Variants in ZNF33A observed in about 807,000 individuals in gnomAD.
ZNF33A encodes the protein zinc finger protein 33A, also known as brain my041 protein.
In ZNF33A, 9 loss-of-function variants were observed where a neutral mutation model predicts 15.9. That is an observed-to-expected ratio of 0.57 (90% confidence interval 0.34 to 0.99). The LOEUF (loss-of-function observed/expected upper bound fraction) is 0.99, where lower values mean the gene tolerates loss of function less well. Among genes scored for constraint, ZNF33A ranks in the 50% least tolerant of loss-of-function variants. The probability of loss-of-function intolerance (pLI) is 0.02; values close to 1 mark genes in which losing one functional copy is unlikely to be tolerated. For synonymous variants in ZNF33A, 294 were observed against 324.2 expected (o/e 0.91, Z 1.00); for missense variants, 843 against 941.6 (o/e 0.90, Z 1.37).
At chr10:38,028,231 G>A (rs2065062457) in intron 4 of ZNF33A, among the ~76,000 whole-genome samples, 2 of 152,120 alleles carry the variant, frequency 1.3e-5, no homozygotes, top group South Asian at 4.1e-4. Context: ...TTGTGTCACT[G>A]CACTCCAGCC....
intron 4 of ZNF33A, among the ~76,000 whole-genome samples, chr10:38,049,600 A>C (rs1590675620): frequency 6.6e-6 from 1 of 152,182 alleles, no homozygotes; most frequent in Non-Finnish European, 1.5e-5. Flanking sequence ...ATTTATGTAT[A>C]TGTATATATC....
At chr10:38,041,585 G>T (rs1205352876) in intron 4 of ZNF33A, among the ~76,000 whole-genome samples, 1 of 151,922 alleles carries the variant, frequency 6.6e-6, no homozygotes, top group Non-Finnish European at 1.5e-5. Flanking sequence ...TATGCAGGCT[G>T]AGCATCCCAA....
chr10:38,036,708 C>G (rs1218497434), intron 4 of ZNF33A, among the ~76,000 whole-genome samples: 4 of 152,154 alleles, frequency 2.6e-5, no homozygotes, highest in Non-Finnish European at 4.4e-5. Context: ...TCTCTTCACT[C>G]TTACTCAACA....
At position 38,054,607 on chromosome 10, in the gene ZNF33A, C is replaced by G. The variant is rs776027290; in HGVS notation, c.483C>G (p.Asn161Lys). The part of the protein sequence containing the change: ...TVSELVISKI[N>K]YLGKKSDEFN... ...CAGAATTGGTTATCAGTAAGATAAACTATTTAGGAAAAAAGTCTGATGAAT... is the reference window on the plus strand; with the variant it reads ...CAGAATTGGTTATCAGTAAGATAAAGTATTTAGGAAAAAAGTCTGATGAAT... The change falls in exon 5 of 5, where the codon AAC becomes AAG. Residue 161 changes from asparagine to lysine, a missense_variant. Transcript: ENST00000432900. 6.2e-6 allele frequency: 10 copies of G among 1,611,750 alleles called. No homozygotes were observed. The Admixed American group carries it at 1.0e-4, about 16-fold the overall frequency.
chr10:38,051,937 C>T (rs1368404625), intron 4 of ZNF33A, among the ~76,000 whole-genome samples: 1 of 152,036 alleles, frequency 6.6e-6, no homozygotes, highest in African/African-American at 2.4e-5. Flanking sequence ...GCATCCATTT[C>T]TGATTAAAAC....
intron 4 of ZNF33A, among the ~76,000 whole-genome samples, chr10:38,031,047 A>G (rs899991129): frequency 2.6e-5 from 4 of 152,186 alleles, no homozygotes; most frequent in African/African-American, 7.2e-5. Context: ...TGTATCACCA[A>G]TGTTGTGATT....
intron 4 of ZNF33A, among the ~76,000 whole-genome samples, chr10:38,040,109 C>CT (rs377239321): frequency 0.01 from 1,518 of 148,302 alleles, 17 homozygotes; most frequent in African/African-American, 0.035. Context: ...GCTTCTTTAA[C>CT]TTTTTTTTTT....
At position 38,054,768 on chromosome 10, in the gene ZNF33A, T is replaced by C. The variant is rs767488084; in HGVS notation, c.644T>C (p.Leu215Ser). ...TTGCAGCATGAGAAGATTCAAACTT[T>C]AGAGCACAATTTTGAATACAGTATA... is the stretch of plus-strand genomic sequence containing the variant. ...ETLQHEKIQT[L>S]EHNFEYSICQ... Residue 215 changes from leucine (L) to serine (S), a missense_variant, in exon 5 of 5, where the codon TTA (leucine) becomes TCA (serine). By Grantham distance (145) the Leu-to-Ser change is moderately radical. Transcript: ENST00000432900. 13 of 1,613,638 alleles carry C rather than the reference T, an allele frequency of 8.1e-6. No individual in the cohort carries two copies. The East Asian group carries it at 2.5e-4, about 30-fold the overall frequency.
chr10:38,053,290 C>T (rs1290403156), intron 4 of ZNF33A, among the ~76,000 whole-genome samples: 1 of 152,096 alleles, frequency 6.6e-6, no homozygotes, highest in African/African-American at 2.4e-5. Flanking sequence ...AGGTCTCACT[C>T]CTTGGCTTGC....
intron 4 of ZNF33A, among the ~76,000 whole-genome samples, chr10:38,021,956 A>C (rs1386626068): frequency 6.6e-6 from 1 of 152,218 alleles, no homozygotes; most frequent in Non-Finnish European, 1.5e-5. Context: ...AAATGAGACC[A>C]TACCGTATCA....
chr10:38,059,140 G>C lies in ZNF33A; in HGVS notation c.*2580G>C, dbSNP rs2066602733. ...GATCATATCAATAGGTACAGAAAAA[G>C]CATTTGACAAAATCCAATATCCATT... On this transcript the variant is annotated 3_prime_UTR_variant, in exon 5 of 5. Transcript: ENST00000432900. The C allele has an allele frequency of 6.6e-6, 1 of 152,134 alleles. No individual in the cohort carries two copies. Among genetic ancestry groups the C allele is most frequent in the South Asian group, 2.1e-4 (1 of 4,830 alleles). The allele number at this position is 152,134 out of a possible 1,614,324, so 9.4% of individuals were successfully genotyped here. A position where few individuals can be genotyped will look rare whatever the true frequency, so the allele number is the denominator to read the frequency against.
At chr10:38,010,581 G>C (rs1184941418), upstream of ZNF33A, 2 of 916,854 alleles carry the variant, frequency 2.2e-6, no homozygotes, top group Non-Finnish European at 3.6e-6. Flanking sequence ...TGCTCGCCCG[G>C]CCTCACGGGA....
At chr10:38,014,936 C>G (rs774940872) in intron 2 of ZNF33A, among the ~76,000 whole-genome samples, 3 of 151,268 alleles carry the variant, frequency 2.0e-5, no homozygotes, top group Non-Finnish European at 4.4e-5. Flanking sequence ...TGCAGTGGTA[C>G]GATCTCAGCT....
chr10:38,033,029 T>C (rs2065281546), intron 4 of ZNF33A, among the ~76,000 whole-genome samples: 1 of 152,228 alleles, frequency 6.6e-6, no homozygotes, highest in Admixed American at 6.5e-5. Flanking sequence ...ATTATAGGCG[T>C]GAGGCACTGC....
chr10:38,063,427 A>C (rs913012983), downstream of ZNF33A, among the ~76,000 whole-genome samples: 1 of 152,226 alleles, frequency 6.6e-6, no homozygotes, highest in Non-Finnish European at 1.5e-5. Context: ...AATTATTTAT[A>C]ACAAAATGGG....
chr10:38,061,045 CTG>C (rs2066649018), downstream of ZNF33A, among the ~76,000 whole-genome samples: 1 of 152,164 alleles, frequency 6.6e-6, no homozygotes. Context: ...CAGTGACGAA[CTG>C]ATCAGCATTT....
intron 4 of ZNF33A, among the ~76,000 whole-genome samples, chr10:38,042,273 C>T (rs1159870388): frequency 6.6e-6 from 1 of 151,888 alleles, no homozygotes; most frequent in Non-Finnish European, 1.5e-5. Flanking sequence ...TAACCTCCTG[C>T]CTCCTGGGTT....
Position 38,054,490 on chromosome 10 carries a change from A to G in ZNF33A, c.366A>G (p.Ile122Met), listed in dbSNP as rs377182413. ...TGACTAAGGAACAAGGTGATGTAAT[A>G]GGAATACCATTTAATGTGGATGTAA... ...EMLTKEQGDV[I>M]GIPFNVDVSS... The change falls in exon 5 of 5, where the codon ATA becomes ATG. Residue 122 changes from isoleucine (I) to methionine (M), a missense_variant. Ile to Met is a conservative substitution (Grantham distance 10). Coordinates refer to ENST00000432900, the MANE Select transcript of ZNF33A (RefSeq NM_006954.2). 3 of 1,612,850 alleles carry G rather than the reference A, an allele frequency of 1.9e-6. No homozygotes were observed. Among genetic ancestry groups the G allele is most frequent in the Middle Eastern group, 1.7e-4 (1 of 6,046 alleles).
chr10:38,010,606 G>A (rs533318989), upstream of ZNF33A: 12 of 1,141,584 alleles, frequency 1.1e-5, no homozygotes, highest in South Asian at 1.5e-4. Flanking sequence ...TAGTTTCCAG[G>A]TAGGGCGCCA....
Sources: allele counts gnomAD v4.1 joint callset (sites outside exome capture counted in the v4.1 genomes callset), GRCh38; gene constraint gnomAD v4.1.1; transcripts MANE v1.5; gene names NCBI Gene and HGNC (gene_info 2026-07-23, HGNC 2026-07-21).